FLT1: variants seen among roughly 807,000 people sequenced by gnomAD.
FLT1 encodes the protein vascular endothelial growth factor receptor 1.
A neutral mutation model predicts 156.3 loss-of-function variants in FLT1; 49 were observed. The ratio of observed to expected loss-of-function variants is 0.31; its 90% confidence interval spans 0.25 to 0.40. FLT1 has a LOEUF of 0.40. Ranked by LOEUF, FLT1 falls within the 10% of genes least tolerant of loss-of-function variation. FLT1 has a pLI of 1.00. For missense variants in FLT1, 1,322 were observed against 1,637.2 expected (o/e 0.81, Z 3.32); for synonymous variants, 594 against 583.8 (o/e 1.02, Z -0.25).
chr13:28,379,239 A>G (rs112872816), intron 14 of FLT1, among the ~76,000 whole-genome samples: 23 of 152,280 alleles, frequency 1.5e-4, no homozygotes, highest in African/African-American at 4.8e-4. Context: ...GCTATTCAGG[A>G]GGCTGAAGCA....
rs1281514670 is a variant in FLT1, at chr13:28,300,551, ACACACATACAGT to A, written c.*2604_*2615del. On this transcript the variant is annotated 3_prime_UTR_variant, in exon 30 of 30. Coordinates refer to ENST00000282397, the MANE Select transcript of FLT1 (RefSeq NM_002019.4). The stretch of plus-strand genomic sequence containing the variant: ...CACACACACACACACACACACACAC[ACACACATACAGT>A]TACACCACTGTCGGCCAAAGATGCA... 4.3e-6 allele frequency: 1 copy of A among 232,142 alleles called. No individual in the cohort carries two copies. Among genetic ancestry groups the A allele is most frequent in the Non-Finnish European group, 8.5e-6 (1 of 117,920 alleles). 14.4% of individuals were successfully genotyped at this position (232,142 alleles called of 1,614,324 possible).
intron 11 of FLT1, among the ~76,000 whole-genome samples, chr13:28,405,131 A>G (rs1167759637): frequency 6.6e-6 from 1 of 152,112 alleles, no homozygotes; most frequent in Non-Finnish European, 1.5e-5. Flanking sequence ...TAGGTCTGAG[A>G]TCCACTGAGA....
chr13:28,414,350 T>G (rs556056746), intron 10 of FLT1, among the ~76,000 whole-genome samples: 6 of 152,342 alleles, frequency 3.9e-5, no homozygotes, highest in African/African-American at 1.4e-4. Flanking sequence ...TATTGTCCTT[T>G]TTGTGAACTA....
chr13:28,318,932 G>T (rs1593675966), intron 24 of FLT1, among the ~76,000 whole-genome samples: 1 of 152,158 alleles, frequency 6.6e-6, no homozygotes, highest in Admixed American at 6.5e-5. Context: ...CCAGTGTCCA[G>T]AGCCATATCA....
chr13:28,459,352 G>A (rs1244131158), intron 3 of FLT1, among the ~76,000 whole-genome samples: 1 of 152,190 alleles, frequency 6.6e-6, no homozygotes, highest in Admixed American at 6.5e-5. Context: ...ACTCTATGGT[G>A]GGAACCCTAG....
At position 28,452,575 on chromosome 13, in the gene FLT1, T is replaced by C. The variant is rs191140072; in HGVS notation, c.389-14230A>G. 3.9e-5 allele frequency among the ~76,000 whole-genome samples: 6 copies of C among 152,254 alleles called. No individual in the cohort carries two copies. The East Asian group carries it at 5.8e-4, about 15-fold the overall frequency. On this transcript the variant is annotated intron_variant, in intron 3 of 29. Transcript: ENST00000282397. ...TCCCAAGACATTCCTTCCTTCCACTTTGGGACAGCTTTGCATGTCAGAAAG... is the reference window on the plus strand; with the variant it reads ...TCCCAAGACATTCCTTCCTTCCACTCTGGGACAGCTTTGCATGTCAGAAAG...
chr13:28,303,051 TG>T lies in FLT1; in HGVS notation c.*115del. On this transcript the variant is annotated 3_prime_UTR_variant, in exon 30 of 30. Transcript: ENST00000282397. ...TATTAAAAAAATCACAAAAAGCAGC[TG>T]GCTCCCATGGAAAGATAAAGGTGTA... 1 of 882,038 alleles carries T rather than the reference TG, an allele frequency of 1.1e-6. No homozygotes were observed. The highest frequency in any genetic ancestry group is 1.7e-6 in the Non-Finnish European group (1 of 577,100). 54.6% of individuals were successfully genotyped at this position (882,038 alleles called of 1,614,324 possible). A position where few individuals can be genotyped will look rare whatever the true frequency, so the allele number is the denominator to read the frequency against.
chr13:28,409,353 C>CTTT lies in FLT1; in HGVS notation c.1437-3462_1437-3460dup, dbSNP rs60544619. On this transcript the variant is annotated intron_variant, in intron 10 of 29. Transcript: ENST00000282397. ...TCAAACCTACGATCTTTCTTTCTTT[C>CTTT]TTTTTTTTTTTTTTTCTGTCACCCA... Among the ~76,000 whole-genome samples, 11 of 143,270 alleles carry CTTT rather than the reference C, an allele frequency of 7.7e-5. No individual in the cohort carries two copies. In the East Asian group the frequency reaches 1.8e-3, roughly 24 times the overall value. 94.0% of individuals were successfully genotyped at this position (143,270 alleles called of 152,430 possible).
chr13:28,440,155 T>G (rs17627771), intron 3 of FLT1, among the ~76,000 whole-genome samples: 3,401 of 152,294 alleles, frequency 0.022, 63 homozygotes, highest in Non-Finnish European at 0.034. Context: ...TCCCATTGAT[T>G]CTGTTACAAC....
At position 28,322,396 on chromosome 13, in the gene FLT1, T is replaced by C; in HGVS notation, c.2954-37A>G. ...TAGAACCGTAACTGTTTGTAATGGC[T>C]CTTGTTATCCCACCAAATCCCAGTT... On this transcript the variant is annotated intron_variant, in intron 21 of 29. Coordinates refer to ENST00000282397, the MANE Select transcript of FLT1 (RefSeq NM_002019.4). This position sits in a 1 kb window ranked among gnomAD's most constrained non-coding sequence, Gnocchi z 4.3. 7.6e-7 allele frequency: 1 copy of C among 1,312,632 alleles called. No homozygotes were observed. The highest frequency in any genetic ancestry group is 1.1e-6 in the Non-Finnish European group (1 of 905,344). The allele number at this position is 1,312,632 out of a possible 1,614,324, so 81.3% of individuals were successfully genotyped here.
rs1200181362 is a variant in FLT1 at position 28,306,717 on chromosome 13, G to T, written c.3776C>A (p.Thr1259Asn). The change falls in exon 29 of 30, where the codon ACC (threonine) becomes AAC (asparagine). Residue 1259 changes from threonine (T) to asparagine (N), a missense_variant. Transcript: ENST00000282397. ...GGCCTTGGGTTTGCTGTCAGTCCAGGTGAAGCGCTTCAGCATGGGAGAGGC... is the reference window on the plus strand; with the variant it reads ...GGCCTTGGGTTTGCTGTCAGTCCAGTTGAAGCGCTTCAGCATGGGAGAGGC... ...LLASPMLKRF[T>N]WTDSKPKASL... The T allele has an allele frequency of 1.2e-6, 2 of 1,613,804 alleles. No individual in the cohort carries two copies. The highest frequency in any genetic ancestry group is 1.7e-6 in the Non-Finnish European group (2 of 1,179,862).
At chr13:28,486,470 G>A (rs1566059614) in intron 1 of FLT1, among the ~76,000 whole-genome samples, 1 of 152,360 alleles carries the variant, frequency 6.6e-6, no homozygotes, top group East Asian at 1.9e-4. Context: ...AGTCATACTG[G>A]AGGAAACCAG....
intron 3 of FLT1, among the ~76,000 whole-genome samples, chr13:28,464,743 T>TGAG: frequency 6.6e-6 from 1 of 152,248 alleles, no homozygotes; most frequent in Non-Finnish European, 1.5e-5. Context: ...AGTAGGGGAC[T>TGAG]GAGTGGAGAG....
chr13:28,393,965 C>T lies in FLT1; in HGVS notation c.1660+2995G>A, dbSNP rs576978108. On this transcript the variant is annotated intron_variant, in intron 12 of 29. Coordinates refer to ENST00000282397, the MANE Select transcript of FLT1 (RefSeq NM_002019.4). Reference sequence around the variant, plus strand: ...AAGATCCAAATCTAGATAAGAAGAGCGTTAAAATTTTAGACAGGCACTTTT... The same window carrying T: ...AAGATCCAAATCTAGATAAGAAGAGTGTTAAAATTTTAGACAGGCACTTTT... 2.8e-4 allele frequency among the ~76,000 whole-genome samples: 43 copies of T among 152,120 alleles called. No individual in the cohort carries two copies. The South Asian group carries it at 4.8e-3, about 17-fold the overall frequency.
In FLT1 at chr13:28,313,335, C is replaced by A. The variant is rs189058208; in HGVS notation, c.3387-1237G>T. On this transcript the variant is annotated intron_variant, in intron 25 of 29. Transcript: ENST00000282397. The stretch of plus-strand genomic sequence containing the variant: ...GGCTCCTCTCTTGGTCATGTCTGCA[C>A]GGAATCGAGGTCTGTACCTACCGCC... Among the ~76,000 whole-genome samples, 3 of 152,190 alleles carry A rather than the reference C, an allele frequency of 2.0e-5. No homozygotes were observed. The South Asian group carries it at 6.2e-4, about 32-fold the overall frequency.
At chr13:28,348,866 G>A (rs1037410936) in intron 15 of FLT1, among the ~76,000 whole-genome samples, 9 of 151,184 alleles carry the variant, frequency 6.0e-5, no homozygotes, top group African/African-American at 2.2e-4. Flanking sequence ...CCGAGATGGT[G>A]CCACTGCGCC....
At chr13:28,456,808 A>T (rs987548242) in intron 3 of FLT1, among the ~76,000 whole-genome samples, 1 of 150,414 alleles carries the variant, frequency 6.6e-6, no homozygotes, top group Admixed American at 6.6e-5. Context: ...AAAAAAAAAA[A>T]GAAAGAAAAA....
intron 25 of FLT1, among the ~76,000 whole-genome samples, chr13:28,314,985 C>G (rs960643625): frequency 6.6e-6 from 1 of 152,134 alleles, no homozygotes; most frequent in Non-Finnish European, 1.5e-5. Context: ...GAGTTATTTG[C>G]GACCACAGCC....
At chr13:28,342,311 G>T (rs1309069590) in intron 16 of FLT1, among the ~76,000 whole-genome samples, 1 of 152,098 alleles carries the variant, frequency 6.6e-6, no homozygotes, top group Non-Finnish European at 1.5e-5. Context: ...AGCCTTCAAA[G>T]TCTGTCTCAA....
Sources: gnomAD v4.1 joint callset for allele counts (sites outside exome capture counted in the v4.1 genomes callset) on GRCh38, gnomAD v4.1.1 for gene constraint, Gnocchi (gnomAD v3.1) non-coding constraint, MANE v1.5 for transcripts, NCBI Gene and HGNC (gene_info 2026-07-23, HGNC 2026-07-21) for gene names.